RALYL: variants seen among roughly 807,000 people sequenced by gnomAD.
The protein encoded by RALYL is RNA-binding Raly-like protein.
Under a neutral mutation model 35.1 loss-of-function variants are expected in RALYL, and 29 were observed. The ratio of observed to expected loss-of-function variants is 0.83; its 90% CI spans 0.61 to 1.13. The LOEUF (loss-of-function observed/expected upper bound fraction) is 1.13, where lower values mean the gene tolerates loss of function less well. RALYL is among the 50% of genes most tolerant of loss of function. RALYL has a pLI of 0.00. For synonymous variants in RALYL, 120 were observed against 127.6 expected, an observed-to-expected ratio of 0.94 and a Z score of 0.40; for missense variants, 359 against 360.4, an observed-to-expected ratio of 1.00 and a Z score of 0.03.
intron 1 of RALYL, among the ~76,000 whole-genome samples, chr8:84,410,448 T>C (rs1357268167): frequency 6.6e-6 from 1 of 151,974 alleles, no homozygotes; most frequent in Non-Finnish European, 1.5e-5. Flanking sequence ...AGTGTATCTG[T>C]CATGTATTAG....
At chr8:84,762,604 A>G (rs1812975446) in intron 2 of RALYL, among the ~76,000 whole-genome samples, 1 of 152,204 alleles carries the variant, frequency 6.6e-6, no homozygotes, top group Admixed American at 6.5e-5. Context: ...AGTCAGCTTT[A>G]TCCACAGAAT....
At position 84,887,315 on chromosome 8, in the gene RALYL, G is replaced by A. The variant is rs1262928532; in HGVS notation, c.686-289G>A. Among the ~76,000 whole-genome samples, 3 of 152,116 alleles carry A rather than the reference G, an allele frequency of 2.0e-5. No homozygotes were observed. The East Asian group carries it at 5.8e-4, about 29-fold the overall frequency. On this transcript the variant is annotated intron_variant, in intron 7 of 8. Transcript: ENST00000521268. ...ATATATAAAATAAAGTAGCCAGAAA[G>A]ATCAATCTGTTTATGTAAATCTTAC...
chr8:84,730,392 A>T (rs1252378099), intron 2 of RALYL, among the ~76,000 whole-genome samples: 3 of 152,192 alleles, frequency 2.0e-5, no homozygotes, highest in Non-Finnish European at 4.4e-5. Context: ...TCTCAAAATA[A>T]TAAGAGCTAT....
chr8:84,184,730 G>A (rs1421568503), intron 1 of RALYL: 3 of 335,732 alleles, frequency 8.9e-6, no homozygotes, highest in Non-Finnish European at 1.6e-5. Context: ...GGGCCGCGCC[G>A]GCCGGGCACT....
chr8:84,332,570 C>A (rs1322391274), intron 1 of RALYL, among the ~76,000 whole-genome samples: 1 of 152,044 alleles, frequency 6.6e-6, no homozygotes, highest in East Asian at 1.9e-4. Context: ...AATGAAGGAA[C>A]AAGGTAATAA....
At chr8:84,581,360 G>T (rs554195090) in intron 2 of RALYL, among the ~76,000 whole-genome samples, 1 of 152,244 alleles carries the variant, frequency 6.6e-6, no homozygotes, top group East Asian at 1.9e-4. Context: ...CCACGGTTAT[G>T]AATTCTCCTG....
chr8:84,352,092 C>T (rs1851005711), intron 1 of RALYL, among the ~76,000 whole-genome samples: 1 of 150,198 alleles, frequency 6.7e-6, no homozygotes, highest in Admixed American at 6.6e-5. Context: ...TGGAGAGCTG[C>T]CCAATTAAGA....
At chr8:84,737,513 T>C (rs1187859330) in intron 2 of RALYL, among the ~76,000 whole-genome samples, 2 of 152,066 alleles carry the variant, frequency 1.3e-5, no homozygotes, top group Non-Finnish European at 2.9e-5. Context: ...GGGAACTATA[T>C]ATTAAGTAAA....
At chr8:84,883,238 C>A (rs961951433) in intron 7 of RALYL, among the ~76,000 whole-genome samples, 3 of 151,928 alleles carry the variant, frequency 2.0e-5, no homozygotes, top group African/African-American at 7.2e-5. Flanking sequence ...TTGCAATGAA[C>A]TGTATTAATA....
chr8:84,479,032 A>G (rs711023), intron 1 of RALYL, among the ~76,000 whole-genome samples: 137,019 of 142,788 alleles, frequency 0.96, 65,785 homozygotes, highest in East Asian at 1. Context: ...CTTGCAGTGA[A>G]CCGAGATTGC....
chr8:84,546,012 A>G (rs941021391), intron 2 of RALYL, among the ~76,000 whole-genome samples: 1 of 152,172 alleles, frequency 6.6e-6, no homozygotes, highest in African/African-American at 2.4e-5. Context: ...ATTTTCTAAC[A>G]TTTCCACATT....
At chr8:84,868,881 CT>C (rs1212896204) in intron 6 of RALYL, among the ~76,000 whole-genome samples, 6 of 152,136 alleles carry the variant, frequency 3.9e-5, no homozygotes, top group African/African-American at 1.4e-4. Flanking sequence ...CTTTTGAAAA[CT>C]ATTTTCTAGA....
intron 1 of RALYL, among the ~76,000 whole-genome samples, chr8:84,495,799 A>G (rs1215151933): frequency 6.6e-6 from 1 of 152,138 alleles, no homozygotes. Context: ...TACAGCCAGA[A>G]GCAAATGCAT....
At chr8:84,323,113 G>A (rs945621741) in intron 1 of RALYL, among the ~76,000 whole-genome samples, 22 of 151,938 alleles carry the variant, frequency 1.4e-4, no homozygotes, top group African/African-American at 5.1e-4. Flanking sequence ...CTTCATAAGG[G>A]CAAGGACTAT....
Position 84,378,341 on chromosome 8 carries a change from G to A in RALYL, c.-23-150958G>A, listed in dbSNP as rs149888844. Among the ~76,000 whole-genome samples the A allele has an allele frequency of 7.7e-3, 1,173 of 151,936 alleles. 3 individuals are homozygous for A. The highest frequency in any genetic ancestry group is 0.024 in the Middle Eastern group (7 of 290). ...AATCTTTTCAATATATATAGCTTTT[G>A]AGTTAGACAAACTCTTATTTCCAAA... On this transcript the variant is annotated intron_variant, in intron 1 of 8. Transcript: ENST00000521268.
chr8:84,557,890 C>T (rs897877769), intron 2 of RALYL, among the ~76,000 whole-genome samples: 1 of 152,090 alleles, frequency 6.6e-6, no homozygotes, highest in Non-Finnish European at 1.5e-5. Context: ...ACAATGCAGT[C>T]ATTAGGAGCA....
At chr8:84,287,429 G>C (rs778164969) in intron 1 of RALYL, among the ~76,000 whole-genome samples, 41 of 151,010 alleles carry the variant, frequency 2.7e-4, no homozygotes, top group Non-Finnish European at 4.7e-4. Flanking sequence ...CAGTTAGTTT[G>C]GGAAAGAATG....
At chr8:84,534,788 G>A (rs964660269) in intron 2 of RALYL, among the ~76,000 whole-genome samples, 3 of 152,206 alleles carry the variant, frequency 2.0e-5, no homozygotes, top group Non-Finnish European at 4.4e-5. Context: ...TTGCTGCTAA[G>A]CGAAGGCAAA....
chr8:84,200,678 A>G (rs1816631386), intron 1 of RALYL, among the ~76,000 whole-genome samples: 1 of 152,158 alleles, frequency 6.6e-6, no homozygotes, highest in African/African-American at 2.4e-5. Flanking sequence ...ATATTTATTT[A>G]AAAGATGATC....
Sources: gnomAD v4.1 joint callset for allele counts (sites outside exome capture counted in the v4.1 genomes callset) on GRCh38, gnomAD v4.1.1 for gene constraint, MANE v1.5 for transcripts, NCBI Gene and HGNC (gene_info 2026-07-23, HGNC 2026-07-21) for gene names.